Variants in CSMD1 observed in about 807,000 individuals in gnomAD.
CSMD1 encodes the protein CUB and Sushi multiple domains 1, also known as CUB and sushi domain-containing protein 1.
In CSMD1, 213 loss-of-function variants were observed where a neutral mutation model predicts 417.5. That is an observed-to-expected ratio of 0.51 (90% CI 0.46 to 0.57). The LOEUF (loss-of-function observed/expected upper bound fraction) is 0.57. Among genes scored for constraint, CSMD1 ranks in the 20% least tolerant of loss-of-function variants. The probability of loss-of-function intolerance (pLI) is 0.00; values close to 1 mark genes in which losing one functional copy is unlikely to be tolerated. For synonymous variants in CSMD1, 2,862 were observed against 1,736.8 expected, an observed-to-expected ratio of 1.65 and a Z score of -16.11; for missense variants, 6,923 against 4,529.7, an observed-to-expected ratio of 1.53 and a Z score of -15.17.
At chr8:3,496,289 A>G (rs971028320) in intron 10 of CSMD1, among the ~76,000 whole-genome samples, 13 of 152,090 alleles carry the variant, frequency 8.5e-5, no homozygotes, top group African/African-American at 2.2e-4. Flanking sequence ...CCTTCATAAC[A>G]TTCCCTGTGT....
At chr8:3,856,046 C>A (rs1173961013) in intron 5 of CSMD1, among the ~76,000 whole-genome samples, 1 of 151,872 alleles carries the variant, frequency 6.6e-6, no homozygotes, top group East Asian at 1.9e-4. Flanking sequence ...TTATGTCATT[C>A]ACATCATACT....
At chr8:4,158,475 T>C (rs527601694) in intron 3 of CSMD1, among the ~76,000 whole-genome samples, 2 of 151,930 alleles carry the variant, frequency 1.3e-5, no homozygotes, top group African/African-American at 4.8e-5. Context: ...CAGCCGCTAG[T>C]GCAGTCATCA....
At chr8:4,395,187 C>G (rs1038961334) in intron 3 of CSMD1, among the ~76,000 whole-genome samples, 7 of 152,176 alleles carry the variant, frequency 4.6e-5, no homozygotes, top group African/African-American at 1.2e-4. Flanking sequence ...CCTCTTTTAG[C>G]CAGAGATGAG....
chr8:4,304,524 C>G (rs1798143500), intron 3 of CSMD1, among the ~76,000 whole-genome samples: 1 of 152,172 alleles, frequency 6.6e-6, no homozygotes, highest in Admixed American at 6.5e-5. Flanking sequence ...AGTGTCAGGA[C>G]TGGGCCACCT....
chr8:4,007,299 T>C (rs556700441), intron 4 of CSMD1, among the ~76,000 whole-genome samples: 39 of 152,346 alleles, frequency 2.6e-4, no homozygotes, highest in Admixed American at 1.1e-3. Context: ...AGCTGGAATG[T>C]TGGCTTCTTC....
intron 21 of CSMD1, among the ~76,000 whole-genome samples, chr8:3,348,633 C>A (rs544856055): frequency 6.6e-6 from 1 of 152,168 alleles, no homozygotes; most frequent in African/African-American, 2.4e-5. Context: ...GGGAATCTAA[C>A]GACAGACCAA....
At chr8:3,647,744 G>A (rs144839989) in intron 7 of CSMD1, among the ~76,000 whole-genome samples, 2 of 152,324 alleles carry the variant, frequency 1.3e-5, no homozygotes, top group East Asian at 3.9e-4. Context: ...ATTGGAGGGA[G>A]ACACAGAGAG....
chr8:4,357,004 C>G (rs145421397), intron 3 of CSMD1, among the ~76,000 whole-genome samples: 26 of 152,218 alleles, frequency 1.7e-4, no homozygotes, highest in African/African-American at 5.8e-4. Flanking sequence ...TGAAGATAAA[C>G]GAATTTCAAT....
At chr8:4,637,897 C>G (rs555336783) in intron 1 of CSMD1, among the ~76,000 whole-genome samples, 1 of 151,890 alleles carries the variant, frequency 6.6e-6, no homozygotes, top group African/African-American at 2.4e-5. Flanking sequence ...GTCTCGATCT[C>G]CTGACCTCAT....
At chr8:3,987,201 G>A (rs572501456) in intron 5 of CSMD1, among the ~76,000 whole-genome samples, 33 of 152,204 alleles carry the variant, frequency 2.2e-4, no homozygotes, top group East Asian at 5.8e-4. Context: ...TACACACACC[G>A]TGCCCACAAC....
chr8:4,096,883 T>A (rs1801040761), intron 3 of CSMD1, among the ~76,000 whole-genome samples: 1 of 152,184 alleles, frequency 6.6e-6, no homozygotes, highest in Non-Finnish European at 1.5e-5. Flanking sequence ...TCTTGCAATT[T>A]TAAAGCTCTC....
At chr8:4,469,738 C>T (rs1463481803) in intron 2 of CSMD1, among the ~76,000 whole-genome samples, 1 of 152,118 alleles carries the variant, frequency 6.6e-6, no homozygotes. Context: ...CATCTCTGCA[C>T]AGGAGGCAAT....
At chr8:3,853,866 T>G (rs1326229785) in intron 5 of CSMD1, among the ~76,000 whole-genome samples, 1 of 147,550 alleles carries the variant, frequency 6.8e-6, no homozygotes, top group Non-Finnish European at 1.5e-5. Context: ...ACTTAATATA[T>G]TATACTTTAA....
chr8:3,669,893 C>T (rs1343826387), intron 7 of CSMD1, among the ~76,000 whole-genome samples: 1 of 152,140 alleles, frequency 6.6e-6, no homozygotes. Context: ...CTCCTTCCTT[C>T]TTCTTTCTTA....
At chr8:4,599,154 T>C (rs1199331525) in intron 2 of CSMD1, among the ~76,000 whole-genome samples, 1 of 152,192 alleles carries the variant, frequency 6.6e-6, no homozygotes, top group Non-Finnish European at 1.5e-5. Flanking sequence ...TCCAACGTAC[T>C]GTATCTGTAG....
chr8:3,560,452 G>C (rs1009449814), intron 10 of CSMD1, among the ~76,000 whole-genome samples: 1 of 152,084 alleles, frequency 6.6e-6, no homozygotes, highest in Non-Finnish European at 1.5e-5. Context: ...TGGGATCCCA[G>C]GTCTGTGAAC....
intron 6 of CSMD1, among the ~76,000 whole-genome samples, chr8:3,736,494 C>G (rs954807352): frequency 2.5e-4 from 38 of 152,178 alleles, no homozygotes; most frequent in Non-Finnish European, 3.5e-4. Context: ...ATCCTCCCTC[C>G]TCAGCTTCCC....
intron 1 of CSMD1, among the ~76,000 whole-genome samples, chr8:4,984,410 C>T (rs1204033650): frequency 1.3e-5 from 2 of 152,218 alleles, no homozygotes; most frequent in Admixed American, 6.5e-5. Context: ...CGACCTTCAG[C>T]TTTAAAGAGC....
intron 3 of CSMD1, among the ~76,000 whole-genome samples, chr8:4,375,955 C>A (rs1280641010): frequency 3.9e-5 from 6 of 152,152 alleles, no homozygotes. Flanking sequence ...CTGGCAACCT[C>A]CAGGCCTTGC....
Sources: allele counts gnomAD v4.1 joint callset (sites outside exome capture counted in the v4.1 genomes callset), GRCh38; gene constraint gnomAD v4.1.1; transcripts MANE v1.5; gene names NCBI Gene and HGNC (gene_info 2026-07-23, HGNC 2026-07-21).